GALNTL6: variants seen among roughly 807,000 people sequenced by gnomAD.
The protein encoded by GALNTL6 is polypeptide N-acetylgalactosaminyltransferase like 6, also known as polypeptide N-acetylgalactosaminyltransferase-like 6.
A neutral mutation model predicts 73.7 loss-of-function variants in GALNTL6; 46 were observed. The ratio of observed to expected loss-of-function variants is 0.62; its 90% CI spans 0.49 to 0.80. GALNTL6 has a LOEUF of 0.80. GALNTL6 is among the 30% of genes least tolerant of loss of function. GALNTL6 has a pLI of 0.00. For missense variants in GALNTL6, 604 were observed against 755.0 expected (o/e 0.80, Z 2.34); for synonymous variants, 259 against 263.7 (o/e 0.98, Z 0.17).
In GALNTL6 at chr4:172,954,597, G is replaced by A. The variant is rs77078030; in HGVS notation, c.1371+2339G>A. 9.9e-3 allele frequency among the ~76,000 whole-genome samples: 1,504 copies of A among 152,086 alleles called. 10 individuals carry two copies. The highest frequency in any genetic ancestry group is 0.016 in the Non-Finnish European group (1,102 of 67,998). On this transcript the variant is annotated intron_variant, in intron 10 of 12. Transcript: ENST00000506823. Reference sequence around the variant, plus strand: ...TCCTCCCACCTCAGCCTTCTGAGTAGCCCAGACTACACATTCACACCACCA... The same window carrying A: ...TCCTCCCACCTCAGCCTTCTGAGTAACCCAGACTACACATTCACACCACCA...
At chr4:172,370,236 T>C (rs184599269) in intron 5 of GALNTL6, among the ~76,000 whole-genome samples, 1 of 152,206 alleles carries the variant, frequency 6.6e-6, no homozygotes, top group Admixed American at 6.5e-5. Flanking sequence ...GTTCCATTTG[T>C]AAGACCTTCT....
intron 7 of GALNTL6, 36 bp downstream of exon 7, chr4:172,813,759 G>A (rs1741446150): frequency 2.0e-6 from 3 of 1,533,938 alleles, no homozygotes; most frequent in African/African-American, 2.7e-5. Context: ...GAGGGGGTGA[G>A]GGCAGGTAAC....
chr4:172,526,202 T>G (rs1485640870), intron 5 of GALNTL6, among the ~76,000 whole-genome samples: 13 of 152,228 alleles, frequency 8.5e-5, no homozygotes, highest in Non-Finnish European at 1.5e-4. Context: ...TTAAGAGGTA[T>G]GGAACAACTT....
At chr4:172,885,089 C>A (rs1356734179) in intron 8 of GALNTL6, among the ~76,000 whole-genome samples, 1 of 152,042 alleles carries the variant, frequency 6.6e-6, no homozygotes, top group East Asian at 1.9e-4. Flanking sequence ...TTGTTCAGGA[C>A]TGCTTTAGCT....
At chr4:171,920,409 C>A (rs1737752621) in intron 2 of GALNTL6, among the ~76,000 whole-genome samples, 1 of 150,848 alleles carries the variant, frequency 6.6e-6, no homozygotes, top group African/African-American at 2.4e-5. Context: ...GAAAAAGAAA[C>A]AGTTTAGGGA....
Position 172,560,736 on chromosome 4 carries a change from G to T in GALNTL6, c.553+212047G>T, listed in dbSNP as rs1297188423. Among the ~76,000 whole-genome samples the T allele has an allele frequency of 5.3e-5, 8 of 152,218 alleles. No individual in the cohort carries two copies. The South Asian group carries it at 1.7e-3, about 32-fold the overall frequency. On this transcript the variant is annotated intron_variant, in intron 5 of 12. Coordinates refer to ENST00000506823, the MANE Select transcript of GALNTL6 (RefSeq NM_001034845.3). Reference sequence around the variant, plus strand: ...GATTGTACCCATGATAGAATCAAGTGATAGTAAAATGACTAATAACAGTAA... The same window carrying T: ...GATTGTACCCATGATAGAATCAAGTTATAGTAAAATGACTAATAACAGTAA...
In GALNTL6 at chr4:171,893,491, A is replaced by C. The variant is rs1371566211; in HGVS notation, c.138+78773A>C. The stretch of plus-strand genomic sequence containing the variant: ...AAAATATATTGTGTTTCAGGAATAG[A>C]GACATCAGAATACAATTAGGTTAAT... On this transcript the variant is annotated intron_variant, in intron 2 of 12. Transcript: ENST00000506823. Among the ~76,000 whole-genome samples the C allele has an allele frequency of 2.6e-5, 4 of 152,178 alleles. No individual in the cohort carries two copies. In the East Asian group the frequency reaches 7.7e-4, roughly 29 times the overall value.
chr4:172,742,503 G>A (rs577974582), intron 5 of GALNTL6, among the ~76,000 whole-genome samples: 1 of 151,622 alleles, frequency 6.6e-6, no homozygotes, highest in African/African-American at 2.4e-5. Flanking sequence ...GTGTCTTCAA[G>A]TAAAGATATT....
intron 2 of GALNTL6, among the ~76,000 whole-genome samples, chr4:172,096,284 G>C (rs1732356004): frequency 6.6e-6 from 1 of 152,058 alleles, no homozygotes; most frequent in African/African-American, 2.4e-5. Flanking sequence ...TTTAGAGACA[G>C]GGGTCTCACT....
intron 2 of GALNTL6, among the ~76,000 whole-genome samples, chr4:171,970,896 C>T (rs1279425113): frequency 1.3e-5 from 2 of 152,128 alleles, no homozygotes; most frequent in Non-Finnish European, 2.9e-5. Context: ...CTACTGAAGT[C>T]AATATCTAAT....
intron 2 of GALNTL6, among the ~76,000 whole-genome samples, chr4:172,011,265 G>T (rs1740996955): frequency 1.3e-5 from 2 of 152,092 alleles, no homozygotes; most frequent in South Asian, 2.1e-4. Flanking sequence ...ACAAGAATTG[G>T]TCTGGAGACT....
chr4:172,538,030 C>A (rs773213358), intron 5 of GALNTL6, among the ~76,000 whole-genome samples: 1 of 151,982 alleles, frequency 6.6e-6, no homozygotes, highest in Non-Finnish European at 1.5e-5. Context: ...TATTAAGCAC[C>A]AAGGTGAGGG....
At chr4:172,759,361 C>T (rs1737935108) in intron 5 of GALNTL6, among the ~76,000 whole-genome samples, 1 of 152,178 alleles carries the variant, frequency 6.6e-6, no homozygotes, top group African/African-American at 2.4e-5. Context: ...GAGATGGAAG[C>T]AGTCAAATTC....
At chr4:171,923,622 G>A (rs1157608189) in intron 2 of GALNTL6, among the ~76,000 whole-genome samples, 1 of 148,956 alleles carries the variant, frequency 6.7e-6, no homozygotes, top group East Asian at 2.0e-4. Flanking sequence ...TAGCCAGGAT[G>A]GTCTCGATCT....
chr4:171,870,557 T>A lies in GALNTL6; in HGVS notation c.138+55839T>A, dbSNP rs1275991191. On this transcript the variant is annotated intron_variant, in intron 2 of 12. Transcript: ENST00000506823. ...TAATTTCTGTTAAGTGTATTTTTTT[T>A]TTGGTCATTGGTATAGGTTGAATTT... is the stretch of plus-strand genomic sequence containing the variant. Among the ~76,000 whole-genome samples, 4 of 152,316 alleles carry A rather than the reference T, an allele frequency of 2.6e-5. No homozygotes were observed. The East Asian group carries it at 7.7e-4, about 29-fold the overall frequency.
chr4:172,186,486 A>G (rs148034200), intron 2 of GALNTL6, among the ~76,000 whole-genome samples: 20 of 152,270 alleles, frequency 1.3e-4, no homozygotes, highest in Middle Eastern at 3.4e-3. Flanking sequence ...ACTAATCACA[A>G]TAGTCAAAGA....
At chr4:172,323,570 A>G (rs1740831143) in intron 4 of GALNTL6, among the ~76,000 whole-genome samples, 1 of 152,026 alleles carries the variant, frequency 6.6e-6, no homozygotes. Flanking sequence ...GAAATCATGC[A>G]GTGACAAAAG....
chr4:172,639,313 A>T (rs887193229), intron 5 of GALNTL6, among the ~76,000 whole-genome samples: 2 of 152,060 alleles, frequency 1.3e-5, no homozygotes, highest in Non-Finnish European at 2.9e-5. Flanking sequence ...ATGTTACTCT[A>T]TCCTCAGCAT....
At position 172,455,794 on chromosome 4, in the gene GALNTL6, G is replaced by T. The variant is rs188195785; in HGVS notation, c.553+107105G>T. On this transcript the variant is annotated intron_variant, in intron 5 of 12. Transcript: ENST00000506823. ...AGCTTCAGCAGACTTAAAAGTTCCC[G>T]CCTGATGGCTCTGAAGAGAGGAATA... Among the ~76,000 whole-genome samples, 173 of 152,286 alleles carry T rather than the reference G, an allele frequency of 1.1e-3. 1 individual carries two copies. The highest frequency in any genetic ancestry group is 9.1e-3 in the East Asian group (47 of 5,180).
Sources: allele counts gnomAD v4.1 joint callset (sites outside exome capture counted in the v4.1 genomes callset), GRCh38; gene constraint gnomAD v4.1.1; transcripts MANE v1.5; gene names NCBI Gene and HGNC (gene_info 2026-07-23, HGNC 2026-07-21).